The following ZEB1 variants were observed in gnomAD, a reference collection of about 807,000 sequenced individuals.
ZEB1 encodes the protein zinc finger E-box binding homeobox 1, also known as zinc finger E-box-binding homeobox 1.
Under a neutral mutation model 84.9 loss-of-function variants are expected in ZEB1, and 21 were observed. The ratio of observed to expected loss-of-function variants is 0.25; its 90% CI spans 0.18 to 0.36. The LOEUF is 0.36. Among genes scored for constraint, ZEB1 ranks in the 10% least tolerant of loss-of-function variants. ZEB1 has a pLI of 1.00. For missense variants in ZEB1, 1,104 were observed against 1,330.2 expected, an observed-to-expected ratio of 0.83 and a Z score of 2.65; for synonymous variants, 420 against 471.1, an observed-to-expected ratio of 0.89 and a Z score of 1.41.
chr10:31,476,717 G>T (rs1218042796), intron 2 of ZEB1, among the ~76,000 whole-genome samples: 1 of 152,010 alleles, frequency 6.6e-6, no homozygotes, highest in Non-Finnish European at 1.5e-5. Context: ...TCACAATCAA[G>T]TGTGTTTTAT....
chr10:31,347,590 G>C (rs2040534170), intron 1 of ZEB1, among the ~76,000 whole-genome samples: 1 of 152,072 alleles, frequency 6.6e-6, no homozygotes, highest in Non-Finnish European at 1.5e-5. Flanking sequence ...CTCCTGACAG[G>C]TCACTAGACA....
intron 1 of ZEB1, among the ~76,000 whole-genome samples, chr10:31,357,802 C>T (rs558233508): frequency 1.6e-4 from 25 of 152,054 alleles, no homozygotes; most frequent in Non-Finnish European, 2.8e-4. Flanking sequence ...GGATTAGTTA[C>T]GCCAGTGGCT....
intron 1 of ZEB1, among the ~76,000 whole-genome samples, chr10:31,433,774 G>A (rs1346586018): frequency 2.0e-5 from 3 of 152,184 alleles, no homozygotes; most frequent in Non-Finnish European, 4.4e-5. Flanking sequence ...GGCAGTGAGG[G>A]CTACAAGGAT....
chr10:31,499,679 C>T (rs562171376), intron 3 of ZEB1, among the ~76,000 whole-genome samples: 7 of 151,938 alleles, frequency 4.6e-5, no homozygotes, highest in Non-Finnish European at 7.4e-5. Flanking sequence ...GCGGGAGAAT[C>T]GCTTGGACCC....
chr10:31,473,556 AAG>A (rs1241421705), intron 2 of ZEB1, among the ~76,000 whole-genome samples: 1 of 151,168 alleles, frequency 6.6e-6, no homozygotes, highest in Non-Finnish European at 1.5e-5. Flanking sequence ...AAGGAAATAA[AAG>A]AGGATACAAA....
chr10:31,421,381 A>G (rs1398510047), intron 1 of ZEB1, among the ~76,000 whole-genome samples: 1 of 152,160 alleles, frequency 6.6e-6, no homozygotes, highest in Admixed American at 6.6e-5. Context: ...TTCAAGTTAT[A>G]TTGATAAAAC....
At position 31,526,744 on chromosome 10, in the gene ZEB1, G is replaced by A. The variant is rs1178786891; in HGVS notation, c.2858G>A (p.Arg953Gln). ...KHKHHLIEHMRLHSGEKPYQC... is the reference protein window; with the variant it reads ...KHKHHLIEHMQLHSGEKPYQC... ...AAACATCATTTGATTGAACACATGC[G>A]ATTACATTCTGGAGAAAAGCCCTAT... Residue 953 changes from arginine (R) to glutamine (Q), a missense_variant, in exon 9 of 9, where the codon CGA becomes CAA. By Grantham distance (43) the Arg-to-Gln change is conservative (BLOSUM62 1). Coordinates refer to ENST00000424869, the MANE Select transcript of ZEB1 (RefSeq NM_001174096.2). 1.2e-6 allele frequency: 2 copies of A among 1,613,900 alleles called. No individual in the cohort carries two copies. Among genetic ancestry groups the A allele is most frequent in the African/African-American group, 1.3e-5 (1 of 74,906 alleles).
At chr10:31,470,039 C>T (rs2137852448) in intron 2 of ZEB1, among the ~76,000 whole-genome samples, 1 of 151,578 alleles carries the variant, frequency 6.6e-6, no homozygotes, top group East Asian at 1.9e-4. Context: ...ACAGAAAGGA[C>T]ATCCACACCA....
Position 31,529,406 on chromosome 10 carries a change from CCTT to C in ZEB1, c.*2147_*2149del, listed in dbSNP as rs1554941900. 6.6e-6 allele frequency: 1 copy of C among 152,202 alleles called. No homozygotes were observed. The highest frequency in any genetic ancestry group is 1.5e-5 in the Non-Finnish European group (1 of 68,032). 9.4% of individuals were successfully genotyped at this position (152,202 alleles called of 1,614,324 possible). ...TGACAAAACCTCTTCACAGGTTGCT[CCTT>C]CTTCCTGAAATCCTTAATCCTCCGC... is the stretch of plus-strand genomic sequence containing the variant. On this transcript the variant is annotated 3_prime_UTR_variant, in exon 9 of 9. Transcript: ENST00000424869.
intron 1 of ZEB1, among the ~76,000 whole-genome samples, chr10:31,426,579 C>A (rs2056952022): frequency 6.6e-6 from 1 of 152,180 alleles, no homozygotes. Context: ...GGTTTTCCAA[C>A]TGGGGACATC....
chr10:31,318,591 T>A (rs2032821502), upstream of ZEB1: 1 of 153,282 alleles, frequency 6.5e-6, no homozygotes, highest in African/African-American at 2.4e-5. Context: ...GTAGCCTCTC[T>A]CCGGTCGCCG....
chr10:31,489,275 A>G (rs532056093), intron 2 of ZEB1, among the ~76,000 whole-genome samples: 4 of 151,532 alleles, frequency 2.6e-5, no homozygotes, highest in East Asian at 1.9e-4. Flanking sequence ...TGATATTACT[A>G]TAATCACGCT....
At chr10:31,387,718 A>AG (rs1449686129) in intron 1 of ZEB1, 12 of 982,470 alleles carry the variant, frequency 1.2e-5, no homozygotes, top group Non-Finnish European at 1.5e-5. Flanking sequence ...TCTTTACTTC[A>AG]GGGAAAGCCC....
At chr10:31,515,172 G>A (rs182306336) in intron 6 of ZEB1, among the ~76,000 whole-genome samples, 2 of 152,086 alleles carry the variant, frequency 1.3e-5, no homozygotes, top group African/African-American at 4.8e-5. Context: ...GGGAGTGAAA[G>A]GATTACAGCA....
chr10:31,454,438 G>T (rs2060958686), intron 1 of ZEB1, among the ~76,000 whole-genome samples: 1 of 152,106 alleles, frequency 6.6e-6, no homozygotes, highest in Non-Finnish European at 1.5e-5. Flanking sequence ...GCAAGAGAAA[G>T]AAATAAAGGG....
At position 31,324,654 on chromosome 10, in the gene ZEB1, A is replaced by C. The variant is rs892949148; in HGVS notation, c.58+5362A>C. Among the ~76,000 whole-genome samples the C allele has an allele frequency of 2.0e-5, 3 of 152,178 alleles. No individual in the cohort carries two copies. In the East Asian group the frequency reaches 5.8e-4, roughly 29 times the overall value. On this transcript the variant is annotated intron_variant, in intron 1 of 8. Coordinates refer to ENST00000424869, the MANE Select transcript of ZEB1 (RefSeq NM_001174096.2). ...TTCTTTGCAGTACAGTCACTAATTT[A>C]TGTGGAAATGCATGCTCTTTATTTC...
intron 1 of ZEB1, among the ~76,000 whole-genome samples, chr10:31,422,468 G>A (rs1262707821): frequency 2.0e-5 from 3 of 152,032 alleles, no homozygotes; most frequent in Admixed American, 1.3e-4. Context: ...CTAAGTTAGA[G>A]ACAGTATCTT....
chr10:31,363,080 T>G (rs1463785656), intron 1 of ZEB1: 4 of 1,533,950 alleles, frequency 2.6e-6, no homozygotes, highest in Non-Finnish European at 3.5e-6. Flanking sequence ...AGTTTTCTTT[T>G]GTGGGACCTG....
chr10:31,498,695 CAT>C (rs2067649420), intron 3 of ZEB1, among the ~76,000 whole-genome samples: 1 of 151,830 alleles, frequency 6.6e-6, no homozygotes, highest in Admixed American at 6.6e-5. Context: ...CAGAGTAAAA[CAT>C]TGACATTTTA....
Sources: allele counts gnomAD v4.1 joint callset (sites outside exome capture counted in the v4.1 genomes callset), GRCh38; gene constraint gnomAD v4.1.1; transcripts MANE v1.5; gene names NCBI Gene and HGNC (gene_info 2026-07-23, HGNC 2026-07-21).